PRKCZ: variants seen among roughly 807,000 people sequenced by gnomAD.
PRKCZ encodes protein kinase C zeta type.
PRKCZ carries 33 observed loss-of-function variants against 79.5 expected under a neutral mutation model. The observed-to-expected ratio is 0.41, with a 90% CI of 0.31 to 0.55. PRKCZ has a LOEUF of 0.55. PRKCZ is among the 20% of genes least tolerant of loss of function. The pLI is 0.19. For missense variants in PRKCZ, 578 were observed against 813.5 expected (o/e 0.71, Z 3.52); for synonymous variants, 342 against 320.9 (o/e 1.07, Z -0.70).
At chr1:2,071,749 A>T (rs1369934063) in intron 4 of PRKCZ, among the ~76,000 whole-genome samples, 1 of 152,206 alleles carries the variant, frequency 6.6e-6, no homozygotes, top group Non-Finnish European at 1.5e-5. Flanking sequence ...ACACTGGACC[A>T]GGATAAATGC....
chr1:2,063,845 CT>C (rs551194608), intron 4 of PRKCZ, among the ~76,000 whole-genome samples: 19,873 of 124,200 alleles, frequency 0.16, 1,233 homozygotes, highest in East Asian at 0.41. Context: ...TTGGCCATTT[CT>C]TTTTTTTTTT....
chr1:2,056,391 C>G, intron 2 of PRKCZ, 93 bp from the exon 3 acceptor site: 1 of 1,196,032 alleles, frequency 8.4e-7, no homozygotes, highest in Non-Finnish European at 1.2e-6. Flanking sequence ...TTGCCCCCCA[C>G]CAGACCCTTG....
At chr1:2,179,289 C>T (rs930789576) in intron 16 of PRKCZ, among the ~76,000 whole-genome samples, 6 of 152,180 alleles carry the variant, frequency 3.9e-5, no homozygotes, top group African/African-American at 7.2e-5. Flanking sequence ...GGGCCTGTCC[C>T]GGGTGAGCTT....
At chr1:2,073,152 G>A (rs1031417307) in intron 4 of PRKCZ, among the ~76,000 whole-genome samples, 2 of 152,054 alleles carry the variant, frequency 1.3e-5, no homozygotes, top group Non-Finnish European at 2.9e-5. Context: ...TTGGGAATGC[G>A]GGTGTCTCCT....
chr1:2,065,353 C>T (rs1304554920), intron 4 of PRKCZ, among the ~76,000 whole-genome samples: 1 of 152,112 alleles, frequency 6.6e-6, no homozygotes, highest in East Asian at 1.9e-4. Context: ...CCTAATTGTT[C>T]TGGCTAGAAT....
chr1:2,052,265 G>A (rs946115180), intron 1 of PRKCZ, among the ~76,000 whole-genome samples: 7 of 152,132 alleles, frequency 4.6e-5, no homozygotes, highest in African/African-American at 1.7e-4. Context: ...GTTCTGGGCC[G>A]CCCCGTCCTC....
intron 5 of PRKCZ, 82 bp from the exon 6 acceptor site, chr1:2,144,128 G>T (rs1677983783): frequency 2.0e-6 from 3 of 1,511,168 alleles, no homozygotes; most frequent in South Asian, 1.2e-5. Flanking sequence ...TTTTGAGAAG[G>T]TATAGGTGTG....
At chr1:2,073,197 C>T (rs556888488) in intron 4 of PRKCZ, among the ~76,000 whole-genome samples, 17 of 152,212 alleles carry the variant, frequency 1.1e-4, no homozygotes, top group Admixed American at 3.9e-4. Context: ...CCAGGCCAGC[C>T]GGGACAGTTT....
intron 16 of PRKCZ, among the ~76,000 whole-genome samples, chr1:2,179,741 C>A (rs923542968): frequency 6.6e-6 from 1 of 152,206 alleles, no homozygotes; most frequent in African/African-American, 2.4e-5. Context: ...ACCCCGGGCC[C>A]AGGGCTGCTG....
intron 4 of PRKCZ, among the ~76,000 whole-genome samples, chr1:2,118,041 G>T (rs370640197): frequency 9.0e-6 from 1 of 111,350 alleles, no homozygotes; most frequent in Admixed American, 1.4e-4. Flanking sequence ...ACCCAGGCTG[G>T]AGTGGAGTTC....
At chr1:2,160,787 A>G (rs1244875085) in intron 10 of PRKCZ, among the ~76,000 whole-genome samples, 3 of 152,128 alleles carry the variant, frequency 2.0e-5, no homozygotes, top group Non-Finnish European at 4.4e-5. Context: ...AGACAGGCAC[A>G]GAGCGGAGCC....
At chr1:2,148,737 G>T in intron 7 of PRKCZ, 135 bp from the exon 8 acceptor site, 1 of 827,988 alleles carries the variant, frequency 1.2e-6, no homozygotes, top group Non-Finnish European at 1.9e-6. Context: ...CTCTAAATTA[G>T]AATCAGACAT....
chr1:2,114,796 A>C (rs1032925372), intron 4 of PRKCZ, among the ~76,000 whole-genome samples: 3 of 151,892 alleles, frequency 2.0e-5, no homozygotes, highest in Non-Finnish European at 4.4e-5. Flanking sequence ...AAAGAAAAAG[A>C]AAAAGCTAAG....
At chr1:2,142,297 C>T (rs1677509582) in intron 5 of PRKCZ, 1 of 228,358 alleles carries the variant, frequency 4.4e-6, no homozygotes, top group African/African-American at 2.7e-5. Context: ...CGAAGCGCCT[C>T]CTTTCACTCT....
intron 4 of PRKCZ, among the ~76,000 whole-genome samples, chr1:2,084,543 C>A (rs1664142176): frequency 6.6e-6 from 1 of 152,224 alleles, no homozygotes; most frequent in Non-Finnish European, 1.5e-5. Flanking sequence ...TGCGTCCGGC[C>A]CACCCGCCTG....
chr1:2,071,108 C>G (rs1019273623), intron 4 of PRKCZ, among the ~76,000 whole-genome samples: 19 of 139,552 alleles, frequency 1.4e-4, no homozygotes, highest in African/African-American at 5.3e-4. Context: ...GGCGCCTGCA[C>G]TGCCAGGTTC....
At chr1:2,144,734 C>T (rs994634028) in intron 6 of PRKCZ, 2 of 737,250 alleles carry the variant, frequency 2.7e-6, no homozygotes, top group South Asian at 4.9e-5. Flanking sequence ...TGGAGCCTCT[C>T]CCTGGCATCC....
Position 2,161,689 on chromosome 1 carries a change from A to C in PRKCZ, c.974+5597A>C, listed in dbSNP as rs566371849. Among the ~76,000 whole-genome samples, 20 of 152,000 alleles carry C rather than the reference A, an allele frequency of 1.3e-4. No individual in the cohort carries two copies. In the East Asian group the frequency reaches 3.7e-3, roughly 28 times the overall value. On this transcript the variant is annotated intron_variant, in intron 10 of 17. Coordinates refer to ENST00000378567, the MANE Select transcript of PRKCZ (RefSeq NM_002744.6). ...TTCGGGGTCACGTTAGGACCGGGGGACCTCCACTGCAGGCTTGGAGATGAT... is the reference window on the plus strand; with the variant it reads ...TTCGGGGTCACGTTAGGACCGGGGGCCCTCCACTGCAGGCTTGGAGATGAT...
chr1:2,160,568 G>T (rs1156768868), intron 10 of PRKCZ, among the ~76,000 whole-genome samples: 1 of 152,230 alleles, frequency 6.6e-6, no homozygotes, highest in Non-Finnish European at 1.5e-5. Context: ...TGGCCAAGAG[G>T]CCCTGGGATG....
Sources: gnomAD v4.1 joint callset for allele counts (sites outside exome capture counted in the v4.1 genomes callset) on GRCh38, gnomAD v4.1.1 for gene constraint, MANE v1.5 for transcripts, NCBI Gene and HGNC (gene_info 2026-07-23, HGNC 2026-07-21) for gene names.